LIFR: variants seen among roughly 807,000 people sequenced by gnomAD.
The protein encoded by LIFR is leukemia inhibitory factor receptor.
Under a neutral mutation model 122.2 loss-of-function variants are expected in LIFR, and 84 were observed. The observed-to-expected ratio is 0.69, with a 90% confidence interval of 0.58 to 0.82. LIFR has a LOEUF of 0.82. Ranked by LOEUF, LIFR falls within the 40% of genes least tolerant of loss-of-function variation. LIFR has a pLI of 0.00. For synonymous variants in LIFR, 422 were observed against 434.7 expected (o/e 0.97, Z 0.36); for missense variants, 1,294 against 1,311.6 (o/e 0.99, Z 0.21).
At chr5:38,525,256 G>C (rs1400095466) in intron 4 of LIFR, among the ~76,000 whole-genome samples, 1 of 152,188 alleles carries the variant, frequency 6.6e-6, no homozygotes, top group Non-Finnish European at 1.5e-5. Flanking sequence ...GAATCAGAGA[G>C]ACTTGGACTT....
chr5:38,490,515 T>C (rs1443373289), intron 14 of LIFR: 2 of 279,234 alleles, frequency 7.2e-6, no homozygotes, highest in Non-Finnish European at 1.3e-5. Context: ...TTTAGTAATA[T>C]AAGATGGGAT....
Position 38,502,709 on chromosome 5 carries a change from G to A in LIFR, c.1528C>T (p.Arg510Cys), listed in dbSNP as rs1360273931. Residue 510 changes from arginine to cysteine, a missense_variant, in exon 11 of 20, where the codon CGT (arginine) becomes TGT (cysteine). Transcript: ENST00000453190. ...NPYTLYTFRI[R>C]CSTETFWKWS... ...TTCCAGAAAGTTTCAGTAGAACAAC[G>A]AATCCGAAAAGTATATAGAGTGTAT... 4 of 1,611,984 alleles carry A rather than the reference G, an allele frequency of 2.5e-6. No homozygotes were observed. The highest frequency in any genetic ancestry group is 3.4e-6 in the Non-Finnish European group (4 of 1,178,238).
chr5:38,561,903 A>G (rs1040356387), intron 1 of LIFR, among the ~76,000 whole-genome samples: 1 of 152,218 alleles, frequency 6.6e-6, no homozygotes, highest in Non-Finnish European at 1.5e-5. Flanking sequence ...TTTGAAGAAC[A>G]TGAAGTAAGA....
chr5:38,582,349 A>G (rs975921690), intron 1 of LIFR, among the ~76,000 whole-genome samples: 1 of 152,208 alleles, frequency 6.6e-6, no homozygotes, highest in African/African-American at 2.4e-5. Context: ...TAGGTGACCA[A>G]GTAAATCCTT....
chr5:38,605,675 G>A (rs3097241), intron 2 of LIFR, among the ~76,000 whole-genome samples: 37,489 of 152,010 alleles, frequency 0.25, 5,100 homozygotes, highest in African/African-American at 0.35. Context: ...CTTCCTCACA[G>A]GGAAATTCCC....
chr5:38,561,532 A>C (rs555566627), upstream of LIFR, among the ~76,000 whole-genome samples: 2 of 152,328 alleles, frequency 1.3e-5, no homozygotes, highest in South Asian at 4.1e-4. Context: ...TTCCTCAGCC[A>C]AGGTATATAT....
chr5:38,574,646 C>T (rs1010959148), intron 1 of LIFR, among the ~76,000 whole-genome samples: 6 of 152,190 alleles, frequency 3.9e-5, no homozygotes, highest in African/African-American at 9.7e-5. Flanking sequence ...AGAGCAAGTT[C>T]GAACTCAGGT....
At chr5:38,598,788 T>G (rs145834946), upstream of LIFR, among the ~76,000 whole-genome samples, 132 of 152,314 alleles carry the variant, frequency 8.7e-4, no homozygotes, top group Admixed American at 2.0e-3. Flanking sequence ...GTAGCATTGT[T>G]CCCACTTTGC....
chr5:38,516,133 G>A (rs910967218), intron 5 of LIFR, among the ~76,000 whole-genome samples: 1 of 151,980 alleles, frequency 6.6e-6, no homozygotes, highest in Non-Finnish European at 1.5e-5. Context: ...AGGAATTACT[G>A]CCTTGTCATT....
At chr5:38,494,534 G>A (rs1744776317) in intron 13 of LIFR, among the ~76,000 whole-genome samples, 1 of 152,162 alleles carries the variant, frequency 6.6e-6, no homozygotes, top group South Asian at 2.1e-4. Context: ...TCCCTGTCTT[G>A]CCAGATCTTG....
chr5:38,502,782 TTTGA>T lies in LIFR; in HGVS notation c.1451_1454del (p.Ile484LysfsTer3), dbSNP rs1745258319. 1.3e-6 allele frequency: 2 copies of T among 1,599,646 alleles called. No homozygotes were observed. The highest frequency in any genetic ancestry group is 1.7e-6 in the Non-Finnish European group (2 of 1,168,050). On this transcript the variant is annotated frameshift_variant, in exon 11 of 20. Coordinates refer to ENST00000453190, the MANE Select transcript of LIFR (RefSeq NM_001127671.2). LOFTEE classifies it high-confidence loss of function. ...CAAGATAACTTGAATTTTCTACTCCTTTGATTGTGACATTCCGCTATTGGAAAAC... is the reference window on the plus strand; with the variant it reads ...CAAGATAACTTGAATTTTCTACTCCTTTGTGACATTCCGCTATTGGAAAAC...
In LIFR at chr5:38,481,410, A is replaced by C; in HGVS notation, c.*185T>G. 1 of 655,658 alleles carries C rather than the reference A, an allele frequency of 1.5e-6. No individual in the cohort carries two copies. The highest frequency in any genetic ancestry group is 2.7e-5 in the East Asian group (1 of 37,040). 40.6% of individuals were successfully genotyped at this position (655,658 alleles called of 1,614,324 possible). On this transcript the variant is annotated 3_prime_UTR_variant, in exon 20 of 20. Transcript: ENST00000453190. ...TTTTGTGGATTGAGGATTCTGAGTC[A>C]CTATACTTTGGCTTTTAGACTACAT...
intron 11 of LIFR, among the ~76,000 whole-genome samples, 170 bp from the exon 12 acceptor site, chr5:38,499,753 A>G (rs946751430): frequency 1.3e-5 from 2 of 152,184 alleles, no homozygotes; most frequent in Non-Finnish European, 2.9e-5. Flanking sequence ...CAACTTTTGC[A>G]AAACACACGG....
chr5:38,529,635 G>C (rs1746890555), intron 2 of LIFR, among the ~76,000 whole-genome samples: 1 of 152,012 alleles, frequency 6.6e-6, no homozygotes, highest in Non-Finnish European at 1.5e-5. Flanking sequence ...TAAAAAGAAG[G>C]GGGGTATAAG....
chr5:38,564,764 ACACACACAC>A (rs1748959846), intron 1 of LIFR, among the ~76,000 whole-genome samples: 1 of 151,170 alleles, frequency 6.6e-6, no homozygotes, highest in African/African-American at 2.4e-5. Context: ...ACACACACAC[ACACACACAC>A]ACACATATAT....
intron 4 of LIFR, among the ~76,000 whole-genome samples, chr5:38,525,024 T>C (rs1389617325): frequency 6.6e-6 from 1 of 152,164 alleles, no homozygotes; most frequent in Non-Finnish European, 1.5e-5. Context: ...GCTCTGAAGC[T>C]GCATTACAAA....
At chr5:38,590,245 T>C (rs1749879973) in intron 1 of LIFR, among the ~76,000 whole-genome samples, 2 of 152,154 alleles carry the variant, frequency 1.3e-5, no homozygotes, top group South Asian at 4.1e-4. Context: ...GGAGGCTGAT[T>C]TGCAAGCTGG....
At chr5:38,573,371 A>G (rs1212756940) in intron 1 of LIFR, among the ~76,000 whole-genome samples, 1 of 152,200 alleles carries the variant, frequency 6.6e-6, no homozygotes. Context: ...GATAATAATG[A>G]ATCCTACCTG....
intron 1 of LIFR, among the ~76,000 whole-genome samples, chr5:38,551,124 G>A (rs1748178036): frequency 6.6e-6 from 1 of 152,184 alleles, no homozygotes; most frequent in Admixed American, 6.5e-5. Flanking sequence ...GAAAATGTAT[G>A]CTCCTAACTT....
Sources: gnomAD v4.1 joint callset for allele counts (sites outside exome capture counted in the v4.1 genomes callset) on GRCh38, gnomAD v4.1.1 for gene constraint, MANE v1.5 for transcripts, NCBI Gene and HGNC (gene_info 2026-07-23, HGNC 2026-07-21) for gene names.